The following AKAP13 variants were observed in gnomAD, a reference collection of about 807,000 sequenced individuals.
AKAP13 encodes A-kinase anchor protein 13.
Under a neutral mutation model 264.5 loss-of-function variants are expected in AKAP13, and 80 were observed. That is an observed-to-expected ratio of 0.30 (90% CI 0.25 to 0.36). The LOEUF (loss-of-function observed/expected upper bound fraction) is 0.36, where lower values mean the gene tolerates loss of function less well. AKAP13 is among the 10% of genes least tolerant of loss of function. AKAP13 has a pLI of 1.00. For missense variants in AKAP13, 3,712 were observed against 3,435.2 expected, an observed-to-expected ratio of 1.08 and a Z score of -2.01; for synonymous variants, 1,380 against 1,250.2, an observed-to-expected ratio of 1.10 and a Z score of -2.19.
rs964277828 is a variant in AKAP13 at position 85,688,041 on chromosome 15, A to T, written c.5289+3168A>T. Among the ~76,000 whole-genome samples the T allele has an allele frequency of 7.2e-5, 11 of 152,048 alleles. No homozygotes were observed. The South Asian group carries it at 2.1e-3, about 29-fold the overall frequency. ...CAAGACCCTGTCTCTTAAAAAAAAA[A>T]AAAAAAAAGAGAGAGAGAGGAAAGA... is the stretch of plus-strand genomic sequence containing the variant. On this transcript the variant is annotated intron_variant, in intron 16 of 36. Coordinates refer to ENST00000394518, the MANE Select transcript of AKAP13 (RefSeq NM_007200.5).
chr15:85,658,494 T>C (rs754440520), intron 11 of AKAP13, 43 bp from the exon 12 acceptor site: 1 of 1,596,026 alleles, frequency 6.3e-7, no homozygotes, highest in Non-Finnish European at 8.6e-7. Flanking sequence ...GTATCCCATT[T>C]TGTTTCACCT....
chr15:85,433,999 G>A (rs536536869), intron 1 of AKAP13, among the ~76,000 whole-genome samples: 2 of 151,862 alleles, frequency 1.3e-5, no homozygotes, highest in Non-Finnish European at 2.9e-5. Context: ...GAACAGCTCC[G>A]GTCTACAGCT....
chr15:85,569,040 G>T (rs976789198), intron 5 of AKAP13, among the ~76,000 whole-genome samples: 1 of 152,320 alleles, frequency 6.6e-6, no homozygotes, highest in East Asian at 1.9e-4. Context: ...AACATGTTCA[G>T]AATGTTCTGA....
At chr15:85,534,536 G>T (rs2077330959) in intron 4 of AKAP13, 2 of 152,066 alleles carry the variant, frequency 1.3e-5, no homozygotes, top group African/African-American at 4.8e-5. Context: ...CTGGGTTCAG[G>T]TGATTCTGCT....
chr15:85,615,687 G>T (rs1247514530), intron 8 of AKAP13, among the ~76,000 whole-genome samples: 2 of 152,124 alleles, frequency 1.3e-5, no homozygotes, highest in Non-Finnish European at 2.9e-5. Flanking sequence ...AAGAACAAAG[G>T]TAGAAAGTGT....
intron 10 of AKAP13, among the ~76,000 whole-genome samples, chr15:85,647,987 A>C (rs887373222): frequency 1.2e-4 from 18 of 151,902 alleles, no homozygotes; most frequent in African/African-American, 4.3e-4. Flanking sequence ...CTTTCTCTTT[A>C]CTTAGGAAAA....
At chr15:85,449,481 A>T (rs1233005264) in intron 1 of AKAP13, among the ~76,000 whole-genome samples, 1 of 152,236 alleles carries the variant, frequency 6.6e-6, no homozygotes, top group Non-Finnish European at 1.5e-5. Context: ...AGAAGTGGTG[A>T]GAGAGGGCGT....
chr15:85,663,786 C>T (rs887805785), intron 12 of AKAP13, among the ~76,000 whole-genome samples: 4 of 152,216 alleles, frequency 2.6e-5, no homozygotes, highest in African/African-American at 9.6e-5. Context: ...ACTGAAAATG[C>T]TTTTCATTCT....
At chr15:85,710,754 A>G in intron 19 of AKAP13, 109 bp downstream of exon 19, 1 of 1,238,238 alleles carries the variant, frequency 8.1e-7, no homozygotes, top group Non-Finnish European at 1.1e-6. Flanking sequence ...ATGAATACCT[A>G]TTTTGTGGTA....
intron 2 of AKAP13, among the ~76,000 whole-genome samples, chr15:85,498,491 G>T (rs1357599191): frequency 6.6e-6 from 1 of 151,432 alleles, no homozygotes; most frequent in African/African-American, 2.4e-5. Context: ...ACATAGCTAG[G>T]AAGAGGTGAA....
intron 8 of AKAP13, among the ~76,000 whole-genome samples, chr15:85,635,607 A>T (rs2082037238): frequency 6.6e-6 from 1 of 152,096 alleles, no homozygotes; most frequent in South Asian, 2.1e-4. Context: ...TAAAAAATGT[A>T]CTATTTAAGA....
chr15:85,645,683 G>T, intron 9 of AKAP13, 135 bp from the exon 10 acceptor site: 1 of 919,040 alleles, frequency 1.1e-6, no homozygotes, highest in Non-Finnish European at 1.6e-6. Context: ...AAGAAATAAG[G>T]AGGGAAGGAA....
intron 8 of AKAP13, among the ~76,000 whole-genome samples, chr15:85,620,531 C>T (rs983921585): frequency 1.3e-5 from 2 of 152,160 alleles, no homozygotes; most frequent in Non-Finnish European, 2.9e-5. Flanking sequence ...GACTCCACCC[C>T]CATCTGCCTG....
chr15:85,602,777 T>C lies in AKAP13; in HGVS notation c.4161+16954T>C, dbSNP rs535883923. 7.9e-4 allele frequency among the ~76,000 whole-genome samples: 120 copies of C among 152,334 alleles called. 1 individual carries two copies. The highest frequency in any genetic ancestry group is 2.8e-3 in the African/African-American group (118 of 41,586). On this transcript the variant is annotated intron_variant, in intron 8 of 36. Coordinates refer to ENST00000394518, the MANE Select transcript of AKAP13 (RefSeq NM_007200.5). ...TGCTGGGATTACAGGCGTGAGCCAC[T>C]GCACCCAGCCTATCATACTTTCAAT...
chr15:85,692,867 G>A (rs951278261), intron 16 of AKAP13, among the ~76,000 whole-genome samples: 1 of 152,044 alleles, frequency 6.6e-6, no homozygotes. Context: ...TCCCAGAATT[G>A]CTGCCACCCT....
At chr15:85,533,010 T>A (rs2077289535) in intron 3 of AKAP13, among the ~76,000 whole-genome samples, 1 of 152,262 alleles carries the variant, frequency 6.6e-6, no homozygotes. Flanking sequence ...AAATCATTAC[T>A]TATTTTTTAG....
intron 5 of AKAP13, among the ~76,000 whole-genome samples, chr15:85,572,810 C>T (rs917374616): frequency 1.3e-5 from 2 of 152,166 alleles, no homozygotes; most frequent in African/African-American, 4.8e-5. Context: ...CTAATGCTCT[C>T]CCTCCCCTAG....
intron 1 of AKAP13, among the ~76,000 whole-genome samples, chr15:85,451,129 A>T (rs1213557459): frequency 6.6e-6 from 1 of 151,722 alleles, no homozygotes; most frequent in Non-Finnish European, 1.5e-5. Flanking sequence ...GTCTTTTTTG[A>T]TCCTTGTTGG....
intron 1 of AKAP13, among the ~76,000 whole-genome samples, chr15:85,483,563 T>G (rs1462696681): frequency 6.8e-6 from 1 of 145,988 alleles, no homozygotes; most frequent in African/African-American, 2.6e-5. Flanking sequence ...GAAGCGGAGC[T>G]TGCAGTGAGC....
Sources: allele counts gnomAD v4.1 joint callset (sites outside exome capture counted in the v4.1 genomes callset), GRCh38; gene constraint gnomAD v4.1.1; transcripts MANE v1.5; gene names NCBI Gene and HGNC (gene_info 2026-07-23, HGNC 2026-07-21).